Variants in IL17RC observed in about 807,000 individuals in gnomAD.
The protein encoded by IL17RC is interleukin 17 receptor C.
IL17RC carries 53 observed loss-of-function variants against 86.7 expected under a neutral mutation model. The ratio of observed to expected loss-of-function variants is 0.61; its 90% CI spans 0.49 to 0.77. The LOEUF is 0.77. Among genes scored for constraint, IL17RC ranks in the 30% least tolerant of loss-of-function variants. The pLI is 0.00. For synonymous variants in IL17RC, 439 were observed against 413.1 expected (o/e 1.06, Z -0.76); for missense variants, 957 against 940.0 (o/e 1.02, Z -0.24).
Position 9,918,408 on chromosome 3 carries a change from T to TC in IL17RC, c.354_355insC (p.Ala119ArgfsTer43). The TC allele has an allele frequency of 6.2e-7, 1 of 1,612,756 alleles. No homozygotes were observed. The highest frequency in any genetic ancestry group is 8.5e-7 in the Non-Finnish European group (1 of 1,179,328). ...ACTCAGGGGTGGAGGAGCCTAGGAA[T>TC]GGTGAGGAGAACCTGGCTGGCCCAA... is the stretch of plus-strand genomic sequence containing the variant. On this transcript the variant is annotated frameshift_variant and splice_region_variant, in exon 4 of 19. Transcript: ENST00000403601. LOFTEE classifies it high-confidence loss of function.
At position 9,933,438 on chromosome 3, in the gene IL17RC, C is replaced by A; in HGVS notation, c.2008C>A (p.Arg670Ser). The change falls in exon 19 of 19, where the codon CGC becomes AGC. Residue 670 changes from arginine (R) to serine (S), a missense_variant. Coordinates refer to ENST00000403601, the MANE Select transcript of IL17RC (RefSeq NM_153460.4). ...PDFLGALQQP[R>S]APRSGRLQER... Reference sequence around the variant, plus strand: ...CTTCCTGGGGGCCCTGCAGCAGCCTCGCGCCCCGCGTTCCGGGCGGCTCCA... The same window carrying A: ...CTTCCTGGGGGCCCTGCAGCAGCCTAGCGCCCCGCGTTCCGGGCGGCTCCA... 1 of 1,613,168 alleles carries A rather than the reference C, an allele frequency of 6.2e-7. No individual in the cohort carries two copies. Among genetic ancestry groups the A allele is most frequent in the Non-Finnish European group, 8.5e-7 (1 of 1,179,824 alleles).
rs1169466897 is a variant in IL17RC, at chr3:9,930,139, A to C, written c.1268A>C (p.Lys423Thr). 1 of 1,614,028 alleles carries C rather than the reference A, an allele frequency of 6.2e-7. No individual in the cohort carries two copies. Among genetic ancestry groups the C allele is most frequent in the African/African-American group, 1.3e-5 (1 of 75,014 alleles). Residue 423 changes from lysine to threonine, a missense_variant, in exon 14 of 19, where the codon AAA (lysine) becomes ACA (threonine). Physicochemically the swap from Lys to Thr is moderately conservative, Grantham distance 78 (BLOSUM62 -1). Transcript: ENST00000403601. The surrounding 1 kb of genome is among the most constrained non-coding windows in gnomAD (Gnocchi z 5.8). ...EPSGCTSLPS[K>T]ASTRAARLGE... ...AGTGGCTGTACTTCACTACCCAGCA[A>C]AGCCTCCACGGTTAGGACTGGGCGA...
In IL17RC at chr3:9,920,972, AG is replaced by A; in HGVS notation, c.622+7del. On this transcript the variant is annotated splice_donor_region_variant and intron_variant, in intron 7 of 18. Coordinates refer to ENST00000403601, the MANE Select transcript of IL17RC (RefSeq NM_153460.4). ...GAACAGCATCCCGAGCTGCTGGGGT[AG>A]GGGCTAGGGCCAGTGGGCCGGGGGT... 1 of 1,336,172 alleles carries A rather than the reference AG, an allele frequency of 7.5e-7. No homozygotes were observed. Among genetic ancestry groups the A allele is most frequent in the Non-Finnish European group, 1.0e-6 (1 of 980,584 alleles). 82.8% of individuals were successfully genotyped at this position (1,336,172 alleles called of 1,614,324 possible).
chr3:9,931,110 G>A (rs77569961), intron 16 of IL17RC, among the ~76,000 whole-genome samples, 167 bp downstream of exon 16: 9,733 of 152,064 alleles, frequency 0.064, 652 homozygotes, highest in African/African-American at 0.17. Flanking sequence ...TGCAGGGATC[G>A]CAGGAACACC....
intron 2 of IL17RC, 93 bp from the exon 3 acceptor site, chr3:9,917,830 A>T: frequency 6.2e-7 from 1 of 1,609,224 alleles, no homozygotes; most frequent in Non-Finnish European, 8.5e-7. Flanking sequence ...TCAGCCTAGG[A>T]CAGCCAAGTT....
In IL17RC at chr3:9,933,063, G is replaced by A. The variant is rs1312947327; in HGVS notation, c.1633G>A (p.Ala545Thr). The A allele has an allele frequency of 6.5e-7, 1 of 1,548,738 alleles. No homozygotes were observed. Among genetic ancestry groups the A allele is most frequent in the South Asian group, 1.2e-5 (1 of 81,600 alleles). ...SALCQLPLRV[A>T]VDLWSRRELS... ...CCTGTGCCAGCTGCCGCTGCGCGTG[G>A]CCGTAGACCTGTGGAGCCGTCGTGA... is the stretch of plus-strand genomic sequence containing the variant. Residue 545 changes from alanine (A) to threonine (T), a missense_variant, in exon 19 of 19, where the codon GCC becomes ACC. Physicochemically the swap from Ala to Thr is moderately conservative, Grantham distance 58. Coordinates refer to ENST00000403601, the MANE Select transcript of IL17RC (RefSeq NM_153460.4).
chr3:9,928,774 C>T lies in IL17RC; in HGVS notation c.1110+144C>T, dbSNP rs77850225. 4.7e-3 allele frequency: 3,840 copies of T among 810,116 alleles called. 46 individuals are homozygous for T. The highest frequency in any genetic ancestry group is 0.036 in the East Asian group (1,457 of 40,882). 50.2% of individuals were successfully genotyped at this position (810,116 alleles called of 1,614,324 possible). ...TTCCACTGCCTACTTTAGTAGTGCG[C>T]GGGACCCTGGGCAACTCACTTCACC... On this transcript the variant is annotated intron_variant, in intron 12 of 18. Coordinates refer to ENST00000403601, the MANE Select transcript of IL17RC (RefSeq NM_153460.4).
chr3:9,927,561 A>C (rs930660591), intron 9 of IL17RC, among the ~76,000 whole-genome samples: 7 of 151,968 alleles, frequency 4.6e-5, no homozygotes, highest in Non-Finnish European at 1.0e-4. Context: ...CCATCTCAAA[A>C]AATAAAAAAA....
In IL17RC at chr3:9,928,236, T is replaced by C; in HGVS notation, c.877+16T>C. 1.3e-6 allele frequency: 2 copies of C among 1,575,326 alleles called. No homozygotes were observed. The highest frequency in any genetic ancestry group is 1.8e-5 in the African/African-American group (1 of 57,094). On this transcript the variant is annotated intron_variant, in intron 10 of 18. Coordinates refer to ENST00000403601, the MANE Select transcript of IL17RC (RefSeq NM_153460.4). Reference sequence around the variant, plus strand: ...TTCAGGGAGGGTGAGCCGACCGGCCTGGGGCTGGGGTTGGGGTGTTGCGAG... The same window carrying C: ...TTCAGGGAGGGTGAGCCGACCGGCCCGGGGCTGGGGTTGGGGTGTTGCGAG...
chr3:9,930,471 G>A lies in IL17RC; in HGVS notation c.1338+12G>A, dbSNP rs774985771. ...GCCAGTGTCTGCAGGTGAGCTGGTGGAAGAAGGGCCCCACCTCAATGCCTA... is the reference window on the plus strand; with the variant it reads ...GCCAGTGTCTGCAGGTGAGCTGGTGAAAGAAGGGCCCCACCTCAATGCCTA... On this transcript the variant is annotated intron_variant, in intron 15 of 18. Coordinates refer to ENST00000403601, the MANE Select transcript of IL17RC (RefSeq NM_153460.4). This position sits in a 1 kb window ranked among gnomAD's most constrained non-coding sequence, Gnocchi z 5.8. 1.2e-6 allele frequency: 2 copies of A among 1,613,624 alleles called. No individual in the cohort carries two copies. Among genetic ancestry groups the A allele is most frequent in the South Asian group, 2.2e-5 (2 of 91,042 alleles).
At chr3:9,920,902 G>T (rs1199460209) in intron 6 of IL17RC, 23 bp from the exon 7 acceptor site, 1 of 1,604,558 alleles carries the variant, frequency 6.2e-7, no homozygotes, top group South Asian at 1.1e-5. Flanking sequence ...CCCACTGGAG[G>T]CTCTTCTGTG....
At chr3:9,918,664 A>G in intron 5 of IL17RC, 55 bp downstream of exon 5, 2 of 1,190,342 alleles carry the variant, frequency 1.7e-6, no homozygotes, top group Non-Finnish European at 2.5e-6. Flanking sequence ...AAACTTTTTC[A>G]CATGCATTAT....
At chr3:9,924,117 A>T in intron 8 of IL17RC, 97 bp downstream of exon 8, 1 of 1,608,328 alleles carries the variant, frequency 6.2e-7, no homozygotes, top group Non-Finnish European at 8.5e-7. Flanking sequence ...AAGAGGACTC[A>T]CCCCAAGCAA....
Position 9,930,542 on chromosome 3 carries a change from C to A in IL17RC, c.1338+83C>A. 7.4e-7 allele frequency: 1 copy of A among 1,356,384 alleles called. No individual in the cohort carries two copies. The highest frequency in any genetic ancestry group is 1.0e-6 in the Non-Finnish European group (1 of 963,742). The allele number at this position is 1,356,384 out of a possible 1,614,324, so 84.0% of individuals were successfully genotyped here. Reference sequence around the variant, plus strand: ...AGCACTCACCTACTGTCTATTTAGGCTTATTTTATGTTCAGCCCTGGGAAA... The same window carrying A: ...AGCACTCACCTACTGTCTATTTAGGATTATTTTATGTTCAGCCCTGGGAAA... On this transcript the variant is annotated intron_variant, in intron 15 of 18. Transcript: ENST00000403601. The surrounding 1 kb of genome is among the most constrained non-coding windows in gnomAD (Gnocchi z 5.8).
Position 9,924,381 on chromosome 3 carries a change from A to T in IL17RC, c.822+90A>T, listed in dbSNP as rs377072060. The T allele has an allele frequency of 1.4e-4, 195 of 1,351,728 alleles. No homozygotes were observed. The African/African-American group carries it at 2.6e-3, about 18-fold the overall frequency. The allele number at this position is 1,351,728 out of a possible 1,614,324, so 83.7% of individuals were successfully genotyped here. On this transcript the variant is annotated intron_variant, in intron 9 of 18. Coordinates refer to ENST00000403601, the MANE Select transcript of IL17RC (RefSeq NM_153460.4). ...GCCTTCCTGGTCTCACCATTCTTCAAACCCTTCATTGAGGTGGAGACTGTG... is the reference window on the plus strand; with the variant it reads ...GCCTTCCTGGTCTCACCATTCTTCATACCCTTCATTGAGGTGGAGACTGTG...
rs1301446538 is a variant in IL17RC, at chr3:9,918,014, G to A, written c.219G>A (p.Arg73=). The change falls in exon 3 of 19, where the codon AGG becomes AGA. Residue 73 remains arginine (R), a synonymous_variant. Transcript: ENST00000403601. ...PTHLQTELVL[R]CQKETDCDLC... ...ACCTGCAGACAGAGCTGGTGCTGAGGTGCCAGAAGGAGACCGACTGTGACC... is the reference window on the plus strand; with the variant it reads ...ACCTGCAGACAGAGCTGGTGCTGAGATGCCAGAAGGAGACCGACTGTGACC... The A allele has an allele frequency of 6.2e-7, 1 of 1,613,252 alleles. No individual in the cohort carries two copies. Among genetic ancestry groups the A allele is most frequent in the African/African-American group, 1.3e-5 (1 of 74,930 alleles).
At chr3:9,923,007 C>T (rs889310142) in intron 7 of IL17RC, among the ~76,000 whole-genome samples, 1 of 151,320 alleles carries the variant, frequency 6.6e-6, no homozygotes, top group Non-Finnish European at 1.5e-5. Flanking sequence ...AACCCCATCT[C>T]TACAAAAAAT....
At chr3:9,920,644 C>G in intron 6 of IL17RC, 42 bp downstream of exon 6, 1 of 1,328,228 alleles carries the variant, frequency 7.5e-7, no homozygotes, top group Non-Finnish European at 1.1e-6. Flanking sequence ...CCTCTGTCCC[C>G]TCTGGCCATT....
intron 9 of IL17RC, among the ~76,000 whole-genome samples, chr3:9,926,245 G>A (rs1232196922): frequency 6.6e-6 from 1 of 151,932 alleles, no homozygotes; most frequent in Non-Finnish European, 1.5e-5. Context: ...TGTTGGTCAG[G>A]CTGGTCCCAA....
Sources: allele counts gnomAD v4.1 joint callset (sites outside exome capture counted in the v4.1 genomes callset), GRCh38; gene constraint gnomAD v4.1.1; non-coding constraint Gnocchi (gnomAD v3.1); transcripts MANE v1.5; gene names NCBI Gene and HGNC (gene_info 2026-07-23, HGNC 2026-07-21).